The following MAPKAPK3 variants were observed in gnomAD, a reference collection of about 807,000 sequenced individuals.
MAPKAPK3 encodes the protein MAPK activated protein kinase 3.
Under a neutral mutation model 49.2 loss-of-function variants are expected in MAPKAPK3, and 35 were observed. The observed-to-expected ratio is 0.71, with a 90% CI of 0.54 to 0.94. The LOEUF (loss-of-function observed/expected upper bound fraction) is 0.94. Among genes scored for constraint, MAPKAPK3 ranks in the 40% least tolerant of loss-of-function variants. The pLI is 0.00. For missense variants in MAPKAPK3, 398 were observed against 493.1 expected (o/e 0.81, Z 1.83); for synonymous variants, 178 against 188.7 (o/e 0.94, Z 0.46).
upstream of MAPKAPK3, chr3:50,617,114 G>GGGGGGT (rs1169021139): frequency 1.9e-5 from 2 of 107,252 alleles, no homozygotes; most frequent in Non-Finnish European, 4.0e-5. Context: ...GGGGGGGGTG[G>GGGGGGT]GGAGGGGGGG....
At chr3:50,645,341 G>C (rs1305808055) in intron 6 of MAPKAPK3, among the ~76,000 whole-genome samples, 2 of 152,184 alleles carry the variant, frequency 1.3e-5, no homozygotes, top group African/African-American at 4.8e-5. Flanking sequence ...CTGTGACCTA[G>C]GCTATGCATT....
At position 50,637,587 on chromosome 3, in the gene MAPKAPK3, G is replaced by A. The variant is rs576608628; in HGVS notation, c.220-2779G>A. Among the ~76,000 whole-genome samples the A allele has an allele frequency of 2.0e-5, 3 of 150,166 alleles. No homozygotes were observed. The South Asian group carries it at 6.3e-4, about 32-fold the overall frequency. On this transcript the variant is annotated intron_variant, in intron 2 of 10. Coordinates refer to ENST00000621469, the MANE Select transcript of MAPKAPK3 (RefSeq NM_001243925.2). ...GCGGAGCTTGCAGTGAGCCGAGATCGTGCCACTGCACTCCAGCCTGGGTGA... is the reference window on the plus strand; with the variant it reads ...GCGGAGCTTGCAGTGAGCCGAGATCATGCCACTGCACTCCAGCCTGGGTGA...
Position 50,641,212 on chromosome 3 carries a change from G to A in MAPKAPK3, c.360-495G>A, listed in dbSNP as rs1323231511. On this transcript the variant is annotated intron_variant, in intron 3 of 10. Transcript: ENST00000621469. ...TTCAATCTGCATGACTATGGGGTTG[G>A]TGCTGTCATCCCTATTATACAAAAG... Among the ~76,000 whole-genome samples the A allele has an allele frequency of 2.6e-5, 4 of 152,172 alleles. 1 individual carries two copies. Among genetic ancestry groups the A allele is most frequent in the Admixed American group, 2.0e-4 (3 of 15,284 alleles).
intron 4 of MAPKAPK3, 25 bp downstream of exon 4, chr3:50,641,796 A>G: frequency 6.2e-7 from 1 of 1,604,510 alleles, no homozygotes. Flanking sequence ...CTGGACCAGC[A>G]GGAGGATTCA....
intron 2 of MAPKAPK3, among the ~76,000 whole-genome samples, chr3:50,624,025 C>T (rs568442301): frequency 6.6e-6 from 1 of 152,368 alleles, no homozygotes; most frequent in Non-Finnish European, 1.5e-5. Context: ...GTGAAGGCCA[C>T]CTCAGAAAGG....
intron 10 of MAPKAPK3, 60 bp from the exon 11 acceptor site, chr3:50,647,834 A>G (rs1158231436): frequency 3.3e-6 from 5 of 1,516,704 alleles, no homozygotes; most frequent in Non-Finnish European, 4.5e-6. Context: ...CAGGGGGGTG[A>G]TGGTTCCTAA....
chr3:50,632,642 T>G (rs2107586803), intron 2 of MAPKAPK3, among the ~76,000 whole-genome samples: 1 of 152,372 alleles, frequency 6.6e-6, no homozygotes, highest in Middle Eastern at 3.4e-3. Flanking sequence ...CTTAATTTAT[T>G]ACTGCCTCGT....
intron 2 of MAPKAPK3, among the ~76,000 whole-genome samples, chr3:50,620,746 C>A (rs565236079): frequency 6.6e-6 from 1 of 152,334 alleles, no homozygotes; most frequent in East Asian, 1.9e-4. Flanking sequence ...GCCAGTGCAG[C>A]CATTCTACTC....
chr3:50,646,740 C>G lies in MAPKAPK3; in HGVS notation c.830C>G (p.Ala277Gly), dbSNP rs750932578. Residue 277 changes from alanine to glycine, a missense_variant and splice_region_variant, in exon 9 of 11, where the codon GCC becomes GGC. Ala to Gly is a moderately conservative substitution (Grantham distance 60). This residue lies in a region of MAPKAPK3 where 152 missense variants were observed against 177.3 expected (regional missense o/e 0.86). Transcript: ENST00000621469. ...CCCCTCTCTTCCCTGGCCCCCCTAGCCAAGCAGCTGATCCGCCTCCTGTTG... is the reference window on the plus strand; with the variant it reads ...CCCCTCTCTTCCCTGGCCCCCCTAGGCAAGCAGCTGATCCGCCTCCTGTTG... Reference protein sequence around the residue: ...NPEWSEVSEDAKQLIRLLLKT... With the variant: ...NPEWSEVSEDGKQLIRLLLKT... 1 of 1,613,980 alleles carries G rather than the reference C, an allele frequency of 6.2e-7. No individual in the cohort carries two copies. Among genetic ancestry groups the G allele is most frequent in the Non-Finnish European group, 8.5e-7 (1 of 1,179,918 alleles).
intron 7 of MAPKAPK3, 48 bp downstream of exon 7, chr3:50,645,833 A>G (rs375126471): frequency 1.7e-4 from 215 of 1,290,182 alleles, no homozygotes; most frequent in Admixed American, 6.1e-4. Flanking sequence ...CCTTACCCCC[A>G]CTGTGAGCCC....
At chr3:50,620,488 G>A (rs1425481928) in intron 2 of MAPKAPK3, among the ~76,000 whole-genome samples, 2 of 152,134 alleles carry the variant, frequency 1.3e-5, no homozygotes, top group African/African-American at 4.8e-5. Flanking sequence ...CATCCTCTTG[G>A]CTCTGTTGCC....
In MAPKAPK3 at chr3:50,648,840, T is replaced by C. The variant is rs1308524851; in HGVS notation, c.*794T>C. On this transcript the variant is annotated 3_prime_UTR_variant, in exon 11 of 11. Coordinates refer to ENST00000621469, the MANE Select transcript of MAPKAPK3 (RefSeq NM_001243925.2). ...AATGTCACTGTGACAAAAGCCAGCA[T>C]ACTTTCCCTGCACCCATCTGCTCAC... 2.0e-5 allele frequency: 3 copies of C among 152,256 alleles called. No individual in the cohort carries two copies. Among genetic ancestry groups the C allele is most frequent in the Non-Finnish European group, 2.9e-5 (2 of 68,046 alleles). The allele number at this position is 152,256 out of a possible 1,614,324, so 9.4% of individuals were successfully genotyped here.
chr3:50,646,933 GC>G, intron 9 of MAPKAPK3, 108 bp downstream of exon 9: 1 of 1,187,730 alleles, frequency 8.4e-7, no homozygotes, highest in Non-Finnish European at 1.2e-6. Flanking sequence ...GCTGGAATGG[GC>G]CCATGCACAC....
chr3:50,627,184 CAAAAAAA>C (rs144747460), intron 2 of MAPKAPK3, among the ~76,000 whole-genome samples: 1 of 91,322 alleles, frequency 1.1e-5, no homozygotes. Flanking sequence ...AACTCCATCT[CAAAAAAA>C]AAAAAAAAAA....
In MAPKAPK3 at chr3:50,648,954, C is replaced by T. The variant is rs752524188; in HGVS notation, c.*908C>T. 6.6e-6 allele frequency: 1 copy of T among 152,212 alleles called. No homozygotes were observed. The highest frequency in any genetic ancestry group is 1.5e-5 in the Non-Finnish European group (1 of 68,044). 9.4% of individuals were successfully genotyped at this position (152,212 alleles called of 1,614,324 possible). A position where few individuals can be genotyped will look rare whatever the true frequency, so the allele number is the denominator to read the frequency against. The stretch of plus-strand genomic sequence containing the variant: ...TGAAAGTGGCTGGTTGGGAGCAGAG[C>T]TAAGTGGCTTCCCATTAACCTGAGG... On this transcript the variant is annotated 3_prime_UTR_variant, in exon 11 of 11. Coordinates refer to ENST00000621469, the MANE Select transcript of MAPKAPK3 (RefSeq NM_001243925.2).
In MAPKAPK3 at chr3:50,646,814, C is replaced by A. The variant is rs752324089; in HGVS notation, c.904C>A (p.Pro302Thr). 1.2e-6 allele frequency: 2 copies of A among 1,614,030 alleles called. No homozygotes were observed. The highest frequency in any genetic ancestry group is 2.2e-5 in the South Asian group (2 of 91,086). Residue 302 changes from proline to threonine, a missense_variant, in exon 9 of 11, where the codon CCC (proline) becomes ACC (threonine). By Grantham distance (38) the Pro-to-Thr change is conservative (BLOSUM62 -1). This residue lies in a region of MAPKAPK3 where 152 missense variants were observed against 177.3 expected (regional missense o/e 0.86). Coordinates refer to ENST00000621469, the MANE Select transcript of MAPKAPK3 (RefSeq NM_001243925.2). ...RLTITQFMNHPWINQSMVVPQ... is the reference protein window; with the variant it reads ...RLTITQFMNHTWINQSMVVPQ... ...GACCATCACTCAGTTCATGAACCAC[C>A]CCTGGATCAACGTGAGCCCCTCCTC...
intron 2 of MAPKAPK3, among the ~76,000 whole-genome samples, chr3:50,621,597 C>CAA (rs57325539): frequency 0.021 from 878 of 41,208 alleles, 34 homozygotes; most frequent in African/African-American, 0.076. Flanking sequence ...GGCTGTGTCT[C>CAA]AAAAAAAAAA....
chr3:50,617,120 G>C (rs990914874), upstream of MAPKAPK3: 5 of 139,774 alleles, frequency 3.6e-5, 1 homozygote, highest in Admixed American at 1.4e-4. Flanking sequence ...GGTGGGGAGG[G>C]GGGGGAGGTC....
chr3:50,647,250 C>T (rs1335364296), intron 10 of MAPKAPK3, 47 bp downstream of exon 10: 1 of 1,504,848 alleles, frequency 6.6e-7, no homozygotes, highest in Non-Finnish European at 9.1e-7. Context: ...AGGATTTGGG[C>T]AAAAGGGACT....
Sources: gnomAD v4.1 joint callset for allele counts (sites outside exome capture counted in the v4.1 genomes callset) on GRCh38, gnomAD v4.1.1 for gene constraint, gnomAD v4.1.1 regional missense constraint, MANE v1.5 for transcripts, NCBI Gene and HGNC (gene_info 2026-07-23, HGNC 2026-07-21) for gene names.